The following CUL2 variants were observed in gnomAD, a reference collection of about 807,000 sequenced individuals.
CUL2 encodes cullin-2.
CUL2 carries 22 observed loss-of-function variants against 110.2 expected under a neutral mutation model. The ratio of observed to expected loss-of-function variants is 0.20; its 90% confidence interval spans 0.14 to 0.28. CUL2 has a LOEUF of 0.28. CUL2 is among the 10% of genes least tolerant of loss of function. The pLI, the probability that CUL2 is intolerant of heterozygous loss-of-function variation, is 1.00. For missense variants in CUL2, 631 were observed against 905.5 expected, an observed-to-expected ratio of 0.70 and a Z score of 3.89; for synonymous variants, 279 against 293.2, an observed-to-expected ratio of 0.95 and a Z score of 0.49.
At chr10:35,101,228 G>C (rs2135107624) in intron 1 of CUL2, among the ~76,000 whole-genome samples, 1 of 152,318 alleles carries the variant, frequency 6.6e-6, no homozygotes, top group Middle Eastern at 3.4e-3. Context: ...TAATAAAGGT[G>C]AGAGGTATTA....
chr10:35,067,946 A>G (rs192399688), intron 2 of CUL2, among the ~76,000 whole-genome samples: 9 of 151,846 alleles, frequency 5.9e-5, no homozygotes, highest in Admixed American at 1.3e-4. Flanking sequence ...TCTCTACTAA[A>G]AAAATACAAA....
intron 16 of CUL2, 149 bp from the exon 17 acceptor site, chr10:35,025,347 A>T: frequency 8.4e-7 from 1 of 1,188,308 alleles, no homozygotes; most frequent in Non-Finnish European, 1.1e-6. Context: ...TACAGAGGAG[A>T]AAGCACGTTC....
intron 1 of CUL2, among the ~76,000 whole-genome samples, chr10:35,106,963 TG>T (rs1228789260): frequency 2.6e-5 from 4 of 151,832 alleles, no homozygotes; most frequent in Non-Finnish European, 5.9e-5. Context: ...TTTTTTTTGT[TG>T]TTTTTTTGTT....
At chr10:35,047,405 T>C (rs1482694848) in intron 6 of CUL2, among the ~76,000 whole-genome samples, 3 of 148,850 alleles carry the variant, frequency 2.0e-5, no homozygotes, top group Non-Finnish European at 4.4e-5. Flanking sequence ...GGTCAGGAGA[T>C]AGAGACCATC....
At chr10:35,067,417 G>A (rs2086560720) in intron 2 of CUL2, among the ~76,000 whole-genome samples, 1 of 152,052 alleles carries the variant, frequency 6.6e-6, no homozygotes, top group Non-Finnish European at 1.5e-5. Flanking sequence ...AACAGGGCCA[G>A]GTACAGTCTT....
In CUL2 at chr10:35,036,622, T is replaced by A. The variant is rs568291148; in HGVS notation, c.878-1326A>T. Among the ~76,000 whole-genome samples, 3 of 152,352 alleles carry A rather than the reference T, an allele frequency of 2.0e-5. No individual in the cohort carries two copies. In the East Asian group the frequency reaches 5.8e-4, roughly 29 times the overall value. On this transcript the variant is annotated intron_variant, in intron 9 of 20. Coordinates refer to ENST00000374749, the MANE Select transcript of CUL2 (RefSeq NM_003591.4). ...CACTTCTTTCTATGTTTATTGGCCA[T>A]CTGGGTATCTTCTATTCTGCAGTGC... is the stretch of plus-strand genomic sequence containing the variant.
At chr10:35,071,413 T>C in intron 1 of CUL2, 74 bp from the exon 2 acceptor site, 1 of 1,376,020 alleles carries the variant, frequency 7.3e-7, no homozygotes, top group Non-Finnish European at 1.0e-6. Context: ...GTTTTTTGTT[T>C]GTTTGCTTTG....
At chr10:35,068,934 C>A (rs886269653) in intron 2 of CUL2, among the ~76,000 whole-genome samples, 6 of 152,162 alleles carry the variant, frequency 3.9e-5, no homozygotes, top group Admixed American at 3.9e-4. Context: ...ATGGCCCGAT[C>A]TTGGCTCACT....
chr10:35,066,255 G>C (rs2086521830), intron 2 of CUL2, among the ~76,000 whole-genome samples: 1 of 149,496 alleles, frequency 6.7e-6, no homozygotes, highest in Non-Finnish European at 1.5e-5. Flanking sequence ...AAAAGGATTT[G>C]ACAATTAAAA....
intron 18 of CUL2, among the ~76,000 whole-genome samples, chr10:35,015,207 C>T (rs951388416): frequency 1.3e-5 from 2 of 150,868 alleles, no homozygotes; most frequent in African/African-American, 4.9e-5. Context: ...ACAGGAGAAT[C>T]ATTTGAACCC....
chr10:35,041,389 G>T (rs1200417301), intron 8 of CUL2, among the ~76,000 whole-genome samples: 1 of 152,138 alleles, frequency 6.6e-6, no homozygotes, highest in Non-Finnish European at 1.5e-5. Flanking sequence ...ACCCCTGGGG[G>T]AAAGAAAGGC....
rs1378342812 is a variant in CUL2, at chr10:35,031,733, T to G, written c.1171-114A>C. ...ATCAGCGGACAGAATTTTTGCTGTT[T>G]TTTTTAGAGACCGGGTCTTGCTCTG... On this transcript the variant is annotated intron_variant, in intron 12 of 20. Coordinates refer to ENST00000374749, the MANE Select transcript of CUL2 (RefSeq NM_003591.4). This position sits in a 1 kb window ranked among gnomAD's most constrained non-coding sequence, Gnocchi z 4.4. The G allele has an allele frequency of 9.0e-7, 1 of 1,107,038 alleles. No individual in the cohort carries two copies. Among genetic ancestry groups the G allele is most frequent in the Admixed American group, 2.1e-5 (1 of 48,384 alleles). The allele number at this position is 1,107,038 out of a possible 1,614,324, so 68.6% of individuals were successfully genotyped here.
At chr10:35,053,431 C>G (rs1388021587) in intron 5 of CUL2, among the ~76,000 whole-genome samples, 2 of 152,108 alleles carry the variant, frequency 1.3e-5, no homozygotes, top group East Asian at 1.9e-4. Flanking sequence ...ATTAATTTAT[C>G]CATTTGCCTA....
intron 8 of CUL2, among the ~76,000 whole-genome samples, chr10:35,044,065 A>AC (rs2085871614): frequency 6.9e-6 from 1 of 144,202 alleles, no homozygotes; most frequent in African/African-American, 2.9e-5. Flanking sequence ...AAAAAAAAAA[A>AC]AAAAAAAAAA....
intron 1 of CUL2, among the ~76,000 whole-genome samples, chr10:35,113,163 C>CAGAGCA (rs2087541797): frequency 9.7e-6 from 1 of 103,244 alleles, no homozygotes; most frequent in Non-Finnish European, 1.8e-5. Context: ...AGCCTGGAGA[C>CAGAGCA]AGAGCAAGAC....
chr10:35,071,325 G>A lies in CUL2; in HGVS notation c.-8C>T. ...TCTTGGTTTCAAAGACATTGTGCAAGTGTAGTGTTGAAATCTGTCAATTAA... is the reference window on the plus strand; with the variant it reads ...TCTTGGTTTCAAAGACATTGTGCAAATGTAGTGTTGAAATCTGTCAATTAA... On this transcript the variant is annotated 5_prime_UTR_variant, in exon 2 of 21. Transcript: ENST00000374749. 6.2e-7 allele frequency: 1 copy of A among 1,611,326 alleles called. No homozygotes were observed. Among genetic ancestry groups the A allele is most frequent in the Non-Finnish European group, 8.5e-7 (1 of 1,177,910 alleles).
At chr10:35,063,317 CAG>C (rs1160907904) in intron 2 of CUL2, among the ~76,000 whole-genome samples, 1 of 152,064 alleles carries the variant, frequency 6.6e-6, no homozygotes, top group Non-Finnish European at 1.5e-5. Context: ...TGGTTCTTAT[CAG>C]AGAGGTTAAA....
intron 5 of CUL2, among the ~76,000 whole-genome samples, chr10:35,050,889 C>A (rs1279619526): frequency 1.3e-5 from 2 of 152,360 alleles, no homozygotes; most frequent in Non-Finnish European, 2.9e-5. Context: ...TGCAGCTTTA[C>A]TAAATCAAGC....
At chr10:35,016,870 C>T (rs1188426659) in intron 17 of CUL2, among the ~76,000 whole-genome samples, 2 of 139,958 alleles carry the variant, frequency 1.4e-5, no homozygotes, top group South Asian at 2.2e-4. Context: ...GAGGTTGCAG[C>T]AAGCCAAGAT....
Sources: gnomAD v4.1 joint callset for allele counts (sites outside exome capture counted in the v4.1 genomes callset) on GRCh38, gnomAD v4.1.1 for gene constraint, Gnocchi (gnomAD v3.1) non-coding constraint, MANE v1.5 for transcripts, NCBI Gene and HGNC (gene_info 2026-07-23, HGNC 2026-07-21) for gene names.